Variants in DAB2IP observed in about 807,000 individuals in gnomAD.
DAB2IP encodes disabled homolog 2-interacting protein.
DAB2IP carries 28 observed loss-of-function variants against 107.2 expected under a neutral mutation model. The ratio of observed to expected loss-of-function variants is 0.26; its 90% confidence interval spans 0.19 to 0.36. The LOEUF (loss-of-function observed/expected upper bound fraction) is 0.36. DAB2IP is among the 10% of genes least tolerant of loss of function. The pLI is 1.00. For missense variants in DAB2IP, 1,400 were observed against 1,644.7 expected, an observed-to-expected ratio of 0.85 and a Z score of 2.57; for synonymous variants, 755 against 706.4, an observed-to-expected ratio of 1.07 and a Z score of -1.09.
At chr9:121,638,498 A>G (rs1280390328) in intron 1 of DAB2IP, among the ~76,000 whole-genome samples, 1 of 152,108 alleles carries the variant, frequency 6.6e-6, no homozygotes, top group African/African-American at 2.4e-5. Flanking sequence ...AGAGTGTTGC[A>G]GGAGGGCTGT....
intron 2 of DAB2IP, among the ~76,000 whole-genome samples, chr9:121,690,165 G>A (rs1030356739): frequency 6.6e-6 from 1 of 152,204 alleles, no homozygotes; most frequent in Non-Finnish European, 1.5e-5. Context: ...GCCCTCATTA[G>A]TATTAATAGC....
At chr9:121,678,118 T>C (rs1019372242) in intron 1 of DAB2IP, among the ~76,000 whole-genome samples, 4 of 152,248 alleles carry the variant, frequency 2.6e-5, no homozygotes, top group Non-Finnish European at 5.9e-5. Flanking sequence ...CATCACCCTT[T>C]ACAGAAACTC....
At chr9:121,596,167 C>A (rs1830525425) in intron 1 of DAB2IP, among the ~76,000 whole-genome samples, 2 of 151,976 alleles carry the variant, frequency 1.3e-5, no homozygotes, top group South Asian at 2.1e-4. Flanking sequence ...TTAAAAAATA[C>A]AAAATAATAC....
intron 1 of DAB2IP, among the ~76,000 whole-genome samples, chr9:121,628,701 G>T (rs1315827651): frequency 1.3e-5 from 2 of 152,168 alleles, no homozygotes. Flanking sequence ...GGGAAAGCGG[G>T]GCATGCAGAG....
chr9:121,593,905 T>A (rs1342212433), intron 1 of DAB2IP, among the ~76,000 whole-genome samples: 1 of 151,004 alleles, frequency 6.6e-6, no homozygotes, highest in Non-Finnish European at 1.5e-5. Context: ...TGACCTCAGG[T>A]GATCTGCCTG....
At chr9:121,780,629 A>G (rs775696109) in intron 14 of DAB2IP, among the ~76,000 whole-genome samples, 12 of 152,194 alleles carry the variant, frequency 7.9e-5, no homozygotes, top group Non-Finnish European at 1.5e-4. Context: ...AGACAGGACA[A>G]GGCATCTAGG....
At chr9:121,676,714 T>C (rs866800047) in intron 1 of DAB2IP, among the ~76,000 whole-genome samples, 5 of 152,164 alleles carry the variant, frequency 3.3e-5, no homozygotes, top group African/African-American at 1.2e-4. Context: ...GGTCTAGTTA[T>C]TGCTGTAGGA....
rs1833250125 is a variant in DAB2IP at position 121,662,475 on chromosome 9, T to A, written c.124+10576T>A. Among the ~76,000 whole-genome samples the A allele has an allele frequency of 6.6e-6, 1 of 152,162 alleles. No individual in the cohort carries two copies. The highest frequency in any genetic ancestry group is 1.5e-5 in the Non-Finnish European group (1 of 68,032). ...CAAATTTCAATGCCCATAAATAAAGTTTTATTGGAACACAGCCATGTTCAT... is the reference window on the plus strand; with the variant it reads ...CAAATTTCAATGCCCATAAATAAAGATTTATTGGAACACAGCCATGTTCAT... On this transcript the variant is annotated intron_variant, in intron 1 of 15. Coordinates refer to ENST00000408936, the Ensembl canonical transcript of DAB2IP. The surrounding 1 kb of genome is among the most constrained non-coding windows in gnomAD (Gnocchi z 4.6).
At chr9:121,669,892 C>T (rs950620257) in intron 1 of DAB2IP, among the ~76,000 whole-genome samples, 7 of 152,156 alleles carry the variant, frequency 4.6e-5, no homozygotes, top group Non-Finnish European at 1.0e-4. Context: ...GCCAGCTTCC[C>T]GATGTCAGGG....
At chr9:121,603,237 T>C (rs1210639420) in intron 1 of DAB2IP, among the ~76,000 whole-genome samples, 3 of 152,184 alleles carry the variant, frequency 2.0e-5, no homozygotes, top group South Asian at 2.1e-4. Flanking sequence ...CTGTGGGCCA[T>C]TGGGCAGCTT....
At position 121,662,627 on chromosome 9, in the gene DAB2IP, C is replaced by T. The variant is rs140949024; in HGVS notation, c.124+10728C>T. ...TGGCCTTTTATGGAAAGTTTGCTGA[C>T]GCCCAAGATACAGCTAAAGCCACCT... On this transcript the variant is annotated intron_variant, in intron 1 of 15. Coordinates refer to ENST00000408936, the Ensembl canonical transcript of DAB2IP. The surrounding 1 kb of genome is among the most constrained non-coding windows in gnomAD (Gnocchi z 4.6). Among the ~76,000 whole-genome samples, 21 of 152,288 alleles carry T rather than the reference C, an allele frequency of 1.4e-4. No individual in the cohort carries two copies. The highest frequency in any genetic ancestry group is 5.8e-4 in the East Asian group (3 of 5,184).
rs113360058 is a variant in DAB2IP, at chr9:121,782,164, G to A, written c.3403-167G>A. 2.7e-3 allele frequency among the ~76,000 whole-genome samples: 410 copies of A among 152,256 alleles called. 1 individual carries two copies. Among genetic ancestry groups the A allele is most frequent in the African/African-American group, 9.5e-3 (395 of 41,546 alleles). On this transcript the variant is annotated intron_variant, in intron 15 of 15. Transcript: ENST00000408936. The surrounding 1 kb of genome is among the most constrained non-coding windows in gnomAD (Gnocchi z 6.1). The stretch of plus-strand genomic sequence containing the variant: ...AAGCAGGCAGCGAGGCTGTGTCCAT[G>A]ATGCTGCAGAGGCCTCTGCCTACCT...
At chr9:121,766,826 C>T (rs1196468054) in intron 9 of DAB2IP, 96 bp downstream of exon 9, 1 of 1,242,442 alleles carries the variant, frequency 8.0e-7, no homozygotes, top group East Asian at 2.3e-5. Context: ...GAGCAGAGAC[C>T]ATAAACAGGC....
rs1316880315 is a variant in DAB2IP, at chr9:121,599,232, G to A, written c.40+32004G>A. On this transcript the variant is annotated intron_variant, in intron 1 of 16. Coordinates refer to the DAB2IP transcript ENST00000259371. This position sits in a 1 kb window ranked among gnomAD's most constrained non-coding sequence, Gnocchi z 6.9. ...GTACCCTCATAGCGCCGAAACGGAA[G>A]CAGAGGTTATCTCTGGACTCCTGGA... Among the ~76,000 whole-genome samples the A allele has an allele frequency of 6.6e-6, 1 of 152,180 alleles. No individual in the cohort carries two copies. Among genetic ancestry groups the A allele is most frequent in the Non-Finnish European group, 1.5e-5 (1 of 68,010 alleles).
Position 121,756,895 on chromosome 9 carries a change from G to C in DAB2IP, c.363-118G>C, listed in dbSNP as rs1833529935. The C allele has an allele frequency of 7.6e-6, 10 of 1,321,364 alleles. No homozygotes were observed. In the South Asian group the frequency reaches 1.2e-4, roughly 16 times the overall value. 81.9% of individuals were successfully genotyped at this position (1,321,364 alleles called of 1,614,324 possible). A position where few individuals can be genotyped will look rare whatever the true frequency, so the allele number is the denominator to read the frequency against. On this transcript the variant is annotated intron_variant, in intron 3 of 15. Transcript: ENST00000408936. Reference sequence around the variant, plus strand: ...TCTGTCTTAAGACAGAAAGGAGAGAGAGTGGAGAGGAGTGGCTGCCTGCTG... The same window carrying C: ...TCTGTCTTAAGACAGAAAGGAGAGACAGTGGAGAGGAGTGGCTGCCTGCTG...
chr9:121,696,977 G>A (rs1829460713), intron 2 of DAB2IP, among the ~76,000 whole-genome samples: 1 of 152,206 alleles, frequency 6.6e-6, no homozygotes. Context: ...TGGCCACTGT[G>A]TCTAGCACAT....
chr9:121,570,730 T>C (rs994475582), intron 1 of DAB2IP, among the ~76,000 whole-genome samples: 2 of 152,012 alleles, frequency 1.3e-5, no homozygotes, highest in African/African-American at 4.8e-5. Context: ...GTATTTTTTG[T>C]AGAGACAGGG....
upstream of DAB2IP, among the ~76,000 whole-genome samples, chr9:121,646,982 AAT>A (rs1424260817): frequency 6.6e-6 from 1 of 152,154 alleles, no homozygotes; most frequent in Non-Finnish European, 1.5e-5. Context: ...TCTGAAATTA[AAT>A]GAGATGATGT....
At chr9:121,586,702 C>A (rs1311452594) in intron 1 of DAB2IP, among the ~76,000 whole-genome samples, 1 of 152,066 alleles carries the variant, frequency 6.6e-6, no homozygotes, top group Non-Finnish European at 1.5e-5. Flanking sequence ...TACCTTCAGT[C>A]CCAGCTACTT....
Sources: gnomAD v4.1 joint callset for allele counts (sites outside exome capture counted in the v4.1 genomes callset) on GRCh38, gnomAD v4.1.1 for gene constraint, Gnocchi (gnomAD v3.1) non-coding constraint, MANE v1.5 for transcripts, NCBI Gene and HGNC (gene_info 2026-07-23, HGNC 2026-07-21) for gene names.